Variants in ATP10D observed in about 807,000 individuals in gnomAD.
ATP10D encodes the protein phospholipid-transporting ATPase VD.
ATP10D carries 89 observed loss-of-function variants against 144.8 expected under a neutral mutation model. That is an observed-to-expected ratio of 0.61 (90% CI 0.52 to 0.73). ATP10D has a LOEUF of 0.73. ATP10D is among the 30% of genes least tolerant of loss of function. The pLI is 0.00. For missense variants in ATP10D, 1,603 were observed against 1,714.8 expected, an observed-to-expected ratio of 0.93 and a Z score of 1.15; for synonymous variants, 571 against 615.1, an observed-to-expected ratio of 0.93 and a Z score of 1.06.
At chr4:47,575,180 A>G (rs1004683004) in intron 18 of ATP10D, among the ~76,000 whole-genome samples, 1 of 152,098 alleles carries the variant, frequency 6.6e-6, no homozygotes, top group African/African-American at 2.4e-5. Flanking sequence ...CTCTCATTTT[A>G]CAGAGGAGGA....
chr4:47,538,022 A>G (rs1560432044), intron 9 of ATP10D, among the ~76,000 whole-genome samples: 1 of 152,290 alleles, frequency 6.6e-6, no homozygotes, highest in East Asian at 1.9e-4. Context: ...TTCCTCTAAA[A>G]TATCATGCTA....
At chr4:47,554,635 G>T in intron 10 of ATP10D, 91 bp from the exon 11 acceptor site, 1 of 1,021,466 alleles carries the variant, frequency 9.8e-7, no homozygotes, top group Non-Finnish European at 1.4e-6. Context: ...GATTCATTTA[G>T]ATCCTGGCTA....
chr4:47,501,547 C>T (rs1345416790), intron 1 of ATP10D, among the ~76,000 whole-genome samples: 5 of 152,206 alleles, frequency 3.3e-5, no homozygotes, highest in African/African-American at 9.6e-5. Context: ...TGATGGGTTG[C>T]CAGAGCTATA....
chr4:47,571,518 A>G (rs1307991835), intron 16 of ATP10D, among the ~76,000 whole-genome samples: 1 of 152,136 alleles, frequency 6.6e-6, no homozygotes, highest in Non-Finnish European at 1.5e-5. Flanking sequence ...CACATAAACT[A>G]AGAATTTCCA....
At chr4:47,580,333 G>A in intron 19 of ATP10D, 65 bp from the exon 20 acceptor site, 3 of 1,229,540 alleles carry the variant, frequency 2.4e-6, no homozygotes, top group Non-Finnish European at 3.6e-6. Flanking sequence ...GTACTGGCTT[G>A]TGTTGTTTCT....
intron 22 of ATP10D, among the ~76,000 whole-genome samples, chr4:47,590,673 C>A (rs541518819): frequency 1.0e-3 from 154 of 152,154 alleles, no homozygotes; most frequent in Non-Finnish European, 1.9e-3. Context: ...GAAACTGGTA[C>A]AAATAGCATT....
intron 9 of ATP10D, among the ~76,000 whole-genome samples, chr4:47,538,879 A>T (rs1170149929): frequency 6.6e-6 from 1 of 152,188 alleles, no homozygotes; most frequent in Non-Finnish European, 1.5e-5. Context: ...GACATCAGGG[A>T]AGTCCTGAAT....
At chr4:47,486,760 T>C (rs927125471) in intron 1 of ATP10D, among the ~76,000 whole-genome samples, 2 of 152,188 alleles carry the variant, frequency 1.3e-5, no homozygotes, top group African/African-American at 4.8e-5. Context: ...AAAAATAACT[T>C]AGCAACATTT....
intron 1 of ATP10D, among the ~76,000 whole-genome samples, chr4:47,508,643 A>G (rs540908428): frequency 1.3e-5 from 2 of 152,366 alleles, no homozygotes; most frequent in South Asian, 4.1e-4. Context: ...GTTGGAGTCA[A>G]GGTCCATAGT....
Position 47,580,378 on chromosome 4 carries a change from G to A in ATP10D, c.3568-20G>A, listed in dbSNP as rs763926535. 2.0e-5 allele frequency: 32 copies of A among 1,590,042 alleles called. No individual in the cohort carries two copies. In the Admixed American group the frequency reaches 3.2e-4, roughly 16 times the overall value. On this transcript the variant is annotated intron_variant, in intron 19 of 22. Coordinates refer to ENST00000273859, the MANE Select transcript of ATP10D (RefSeq NM_020453.4). ...CCCTTGTTAATCTTACTACCTCCCC[G>A]TTATCTGCTTCATTTCTAGGCATAC...
chr4:47,588,762 C>CT (rs1478583971), intron 22 of ATP10D, among the ~76,000 whole-genome samples: 6 of 152,200 alleles, frequency 3.9e-5, no homozygotes, highest in Non-Finnish European at 5.9e-5. Context: ...CTATTGCCAG[C>CT]TTCCAGATTA....
At chr4:47,578,312 C>G (rs1276039899) in intron 19 of ATP10D, 1 of 152,234 alleles carries the variant, frequency 6.6e-6, no homozygotes, top group African/African-American at 2.4e-5. Flanking sequence ...TACAGAATCT[C>G]TCTCCTCTAA....
intron 13 of ATP10D, 90 bp from the exon 14 acceptor site, chr4:47,560,859 G>T (rs1271095130): frequency 2.0e-6 from 3 of 1,494,620 alleles, no homozygotes; most frequent in Non-Finnish European, 1.9e-6. Flanking sequence ...AAAACAAGTT[G>T]ATGGTTTGAT....
At chr4:47,511,456 C>A (rs1716323047) in intron 1 of ATP10D, among the ~76,000 whole-genome samples, 1 of 152,154 alleles carries the variant, frequency 6.6e-6, no homozygotes, top group Admixed American at 6.6e-5. Context: ...GTAATCCCAG[C>A]TATTCAGGAG....
chr4:47,553,498 C>A (rs1371184102), intron 10 of ATP10D, among the ~76,000 whole-genome samples: 1 of 152,164 alleles, frequency 6.6e-6, no homozygotes, highest in African/African-American at 2.4e-5. Context: ...GTGAGTGTGT[C>A]ATTTGAGAAA....
In ATP10D at chr4:47,512,187, G is replaced by A. The variant is rs983930623; in HGVS notation, c.-37-317G>A. 3.3e-5 allele frequency among the ~76,000 whole-genome samples: 5 copies of A among 152,166 alleles called. No individual in the cohort carries two copies. The East Asian group carries it at 7.7e-4, about 23-fold the overall frequency. ...TGACATGCCTGGCATTATGCCCATT[G>A]CAAAGATGATAAAACTGATGATCAG... On this transcript the variant is annotated intron_variant, in intron 1 of 22. Coordinates refer to ENST00000273859, the MANE Select transcript of ATP10D (RefSeq NM_020453.4).
chr4:47,555,045 A>G (rs942574981), intron 11 of ATP10D, 131 bp downstream of exon 11: 1 of 844,352 alleles, frequency 1.2e-6, no homozygotes, highest in Non-Finnish European at 1.8e-6. Context: ...CTGATTCAGC[A>G]TTTGTTCTGT....
intron 1 of ATP10D, among the ~76,000 whole-genome samples, chr4:47,509,462 T>A (rs2109397495): frequency 6.6e-6 from 1 of 152,272 alleles, no homozygotes; most frequent in South Asian, 2.1e-4. Context: ...GTGAAGAATG[T>A]GATGTTTTGA....
chr4:47,490,512 G>A (rs1294542883), intron 1 of ATP10D, among the ~76,000 whole-genome samples: 1 of 152,236 alleles, frequency 6.6e-6, no homozygotes, highest in Non-Finnish European at 1.5e-5. Context: ...TCAGGCTAGT[G>A]CATGAGAAGA....
Sources: allele counts gnomAD v4.1 joint callset (sites outside exome capture counted in the v4.1 genomes callset), GRCh38; gene constraint gnomAD v4.1.1; transcripts MANE v1.5; gene names NCBI Gene and HGNC (gene_info 2026-07-23, HGNC 2026-07-21).